Variants in WFDC13 observed in about 807,000 individuals in gnomAD.
WFDC13 encodes WAP four-disulfide core domain protein 13.
In WFDC13, 6 loss-of-function variants were observed where a neutral mutation model predicts 10.9. The ratio of observed to expected loss-of-function variants is 0.55; its 90% confidence interval spans 0.30 to 1.09. WFDC13 has a LOEUF of 1.09. WFDC13 is among the 50% of genes least tolerant of loss of function. The probability of loss-of-function intolerance (pLI) is 0.06; values close to 1 mark genes in which losing one functional copy is unlikely to be tolerated. For missense variants in WFDC13, 104 were observed against 109.6 expected (o/e 0.95, Z 0.23); for synonymous variants, 38 against 39.5 (o/e 0.96, Z 0.14).
At position 45,708,248 on chromosome 20, in the gene WFDC13, T is replaced by C. The variant is rs1333244000; in HGVS notation, c.*413T>C. On this transcript the variant is annotated 3_prime_UTR_variant, in exon 4 of 4. Coordinates refer to ENST00000305479, the MANE Select transcript of WFDC13 (RefSeq NM_172005.2). Reference sequence around the variant, plus strand: ...CCATATTTAACCTCAAGGAGAAATATCAACCAGACACTGCATGGCAACCTC... The same window carrying C: ...CCATATTTAACCTCAAGGAGAAATACCAACCAGACACTGCATGGCAACCTC... The C allele has an allele frequency of 6.6e-6, 1 of 152,218 alleles. No individual in the cohort carries two copies. Among genetic ancestry groups the C allele is most frequent in the Non-Finnish European group, 1.5e-5 (1 of 68,074 alleles). 9.4% of individuals were successfully genotyped at this position (152,218 alleles called of 1,614,324 possible).
In WFDC13 at chr20:45,702,510, A is replaced by G. The variant is rs77467633; in HGVS notation, c.88+299A>G. 1.9e-3 allele frequency among the ~76,000 whole-genome samples: 293 copies of G among 152,326 alleles called. 7 individuals are homozygous for G. In the East Asian group the frequency reaches 0.052, roughly 27 times the overall value. ...AATGCTCAGTAATATTAAATGCTGT[A>G]AATGTGATCAGCCTCATCATCCAGC... On this transcript the variant is annotated intron_variant, in intron 1 of 3. Transcript: ENST00000305479.
In WFDC13 at chr20:45,703,341, A is replaced by G. The variant is rs113804944; in HGVS notation, c.89-1103A>G. On this transcript the variant is annotated intron_variant, in intron 1 of 3. Coordinates refer to ENST00000305479, the MANE Select transcript of WFDC13 (RefSeq NM_172005.2). ...GTTATTGGTCTCTGTTAAATTGTCA[A>G]CAGCTTGAACCTCAGCTTCTTTTAC... Among the ~76,000 whole-genome samples the G allele has an allele frequency of 1.4e-4, 21 of 152,278 alleles. 1 individual carries two copies. The highest frequency in any genetic ancestry group is 5.1e-4 in the African/African-American group (21 of 41,568).
chr20:45,703,556 A>G (rs1182519511), intron 1 of WFDC13, among the ~76,000 whole-genome samples: 1 of 152,208 alleles, frequency 6.6e-6, no homozygotes, highest in Non-Finnish European at 1.5e-5. Flanking sequence ...GAAAGGGAGA[A>G]TCACAAGGTA....
intron 2 of WFDC13, 127 bp downstream of exon 2, chr20:45,704,721 A>C: frequency 7.0e-7 from 1 of 1,430,442 alleles, no homozygotes. Flanking sequence ...CCATGTTGCC[A>C]ACATGCCCCT....
At chr20:45,706,777 A>C (rs886680187) in intron 3 of WFDC13, among the ~76,000 whole-genome samples, 11 of 151,586 alleles carry the variant, frequency 7.3e-5, no homozygotes, top group Admixed American at 1.3e-4. Context: ...GTCTCAAAAA[A>C]AAAAAAAGAG....
Position 45,707,928 on chromosome 20 carries a change from T to G in WFDC13, c.*93T>G, listed in dbSNP as rs1485554188. ...GAAGCAAGAAACTGGAGGCCCAATA[T>G]CTAACCTGCAAATCGTTTTTGAGTT... On this transcript the variant is annotated 3_prime_UTR_variant, in exon 4 of 4. Coordinates refer to ENST00000305479, the MANE Select transcript of WFDC13 (RefSeq NM_172005.2). 6.6e-6 allele frequency: 1 copy of G among 152,172 alleles called. No individual in the cohort carries two copies. Among genetic ancestry groups the G allele is most frequent in the East Asian group, 1.9e-4 (1 of 5,198 alleles). 9.4% of individuals were successfully genotyped at this position (152,172 alleles called of 1,614,324 possible).
At chr20:45,705,368 T>A (rs1468264963) in intron 2 of WFDC13, among the ~76,000 whole-genome samples, 11 of 152,198 alleles carry the variant, frequency 7.2e-5, no homozygotes, top group Non-Finnish European at 1.5e-5. Context: ...ATGAGCAGAA[T>A]ACCCAGCATG....
At chr20:45,704,993 C>A (rs771641543) in intron 2 of WFDC13, 1 of 1,614,130 alleles carries the variant, frequency 6.2e-7, no homozygotes, top group South Asian at 1.1e-5. Context: ...AGACACCATC[C>A]TTTGGCCACC....
intron 1 of WFDC13, among the ~76,000 whole-genome samples, chr20:45,703,729 T>G (rs1392775067): frequency 6.6e-6 from 1 of 151,984 alleles, no homozygotes; most frequent in Non-Finnish European, 1.5e-5. Flanking sequence ...GGGGAGGAAA[T>G]AGGAAGTCAA....
chr20:45,705,663 T>C (rs1300902380), intron 2 of WFDC13, among the ~76,000 whole-genome samples, 200 bp from the exon 3 acceptor site: 1 of 152,266 alleles, frequency 6.6e-6, no homozygotes, highest in African/African-American at 2.4e-5. Flanking sequence ...TTCCACATCT[T>C]TCAATGCTCT....
rs1030438036 is a variant in WFDC13, at chr20:45,708,803, C to A, written c.*968C>A. 1 of 151,902 alleles carries A rather than the reference C, an allele frequency of 6.6e-6. No individual in the cohort carries two copies. Among genetic ancestry groups the A allele is most frequent in the Non-Finnish European group, 1.5e-5 (1 of 67,984 alleles). The allele number at this position is 151,902 out of a possible 1,614,324, so 9.4% of individuals were successfully genotyped here. On this transcript the variant is annotated 3_prime_UTR_variant, in exon 4 of 4. Coordinates refer to ENST00000305479, the MANE Select transcript of WFDC13 (RefSeq NM_172005.2). ...TTCTTTTTCATTTCAAATAAATATTCACTTACGTGTCTAATTTTGTATTAG... is the reference window on the plus strand; with the variant it reads ...TTCTTTTTCATTTCAAATAAATATTAACTTACGTGTCTAATTTTGTATTAG...
intron 1 of WFDC13, among the ~76,000 whole-genome samples, chr20:45,704,125 A>G (rs1984288302): frequency 6.6e-6 from 1 of 152,242 alleles, no homozygotes. Flanking sequence ...TGTTCACCAC[A>G]TACACCATTG....
intron 2 of WFDC13, chr20:45,704,798 C>T (rs1984323271): frequency 7.8e-7 from 1 of 1,287,982 alleles, no homozygotes; most frequent in Non-Finnish European, 1.1e-6. Flanking sequence ...TCCCAATCAC[C>T]ACATCCCATC....
At position 45,702,199 on chromosome 20, in the gene WFDC13, C is replaced by T; in HGVS notation, c.76C>T (p.Gln26Ter). The change falls in exon 1 of 4, where the codon CAG becomes TAG. Residue 26 changes from glutamine (Q) to a stop codon, truncating the protein, a stop_gained. Transcript: ENST00000305479. LOFTEE classifies it high-confidence loss of function. ...ALQLVPGSPK[Q>*]RVLKYILEPP... ...GCAGCTGGTGCCTGGGAGTCCCAAG[C>T]AGCGTGTTCTGAGTAGGTGCTGGAT... The T allele has an allele frequency of 6.2e-7, 1 of 1,612,460 alleles. No homozygotes were observed. The highest frequency in any genetic ancestry group is 8.5e-7 in the Non-Finnish European group (1 of 1,179,372).
intron 3 of WFDC13, among the ~76,000 whole-genome samples, chr20:45,707,575 C>T (rs1296959210): frequency 2.6e-5 from 4 of 152,120 alleles, no homozygotes; most frequent in Non-Finnish European, 4.4e-5. Flanking sequence ...AAATACAGAA[C>T]ACAGAAAGTT....
rs1002233434 is a variant in WFDC13 at position 45,704,563 on chromosome 20, T to C, written c.208T>C (p.Cys70Arg). Residue 70 changes from cysteine to arginine, a missense_variant, in exon 2 of 4, where the codon TGT becomes CGT. Transcript: ENST00000305479. The part of the protein sequence containing the change: ...QCCSSFCGIV[C>R]SSETFQKRNR... ...CTGTTCCTCCTTCTGTGGGATAGTC[T>C]GTTCATCAGAAACATTTCAAAAGCG... The C allele has an allele frequency of 6.2e-7, 1 of 1,614,070 alleles. No homozygotes were observed. Among genetic ancestry groups the C allele is most frequent in the African/African-American group, 1.3e-5 (1 of 74,920 alleles).
chr20:45,703,910 G>A (rs1231723163), intron 1 of WFDC13, among the ~76,000 whole-genome samples: 1 of 152,002 alleles, frequency 6.6e-6, no homozygotes, highest in East Asian at 1.9e-4. Context: ...TTGTGAATTG[G>A]GTCCCAGCTC....
rs768017503 is a variant in WFDC13, at chr20:45,708,027, C to T, written c.*192C>T. 24 of 152,134 alleles carry T rather than the reference C, an allele frequency of 1.6e-4. No individual in the cohort carries two copies. Among genetic ancestry groups the T allele is most frequent in the Admixed American group, 5.9e-4 (9 of 15,266 alleles). 9.4% of individuals were successfully genotyped at this position (152,134 alleles called of 1,614,324 possible). A position where few individuals can be genotyped will look rare whatever the true frequency, so the allele number is the denominator to read the frequency against. ...GGTCAACACTTGCAAGAGCCCCTTC[C>T]AAAGCTCAGCACAGTTTCCTCCTGG... On this transcript the variant is annotated 3_prime_UTR_variant, in exon 4 of 4. Coordinates refer to ENST00000305479, the MANE Select transcript of WFDC13 (RefSeq NM_172005.2).
chr20:45,707,879 G>A lies in WFDC13; in HGVS notation c.*44G>A, dbSNP rs903157826. On this transcript the variant is annotated 3_prime_UTR_variant, in exon 4 of 4. Coordinates refer to ENST00000305479, the MANE Select transcript of WFDC13 (RefSeq NM_172005.2). ...ACAGGCCTCTACGATGTTTTTTCTTGGTCCACCTTTAGGAAGGTATTGAGA... is the reference window on the plus strand; with the variant it reads ...ACAGGCCTCTACGATGTTTTTTCTTAGTCCACCTTTAGGAAGGTATTGAGA... The A allele has an allele frequency of 5.9e-5, 9 of 152,070 alleles. No homozygotes were observed. The highest frequency in any genetic ancestry group is 1.9e-4 in the African/African-American group (8 of 41,412). 9.4% of individuals were successfully genotyped at this position (152,070 alleles called of 1,614,324 possible). A position where few individuals can be genotyped will look rare whatever the true frequency, so the allele number is the denominator to read the frequency against.
Sources: allele counts gnomAD v4.1 joint callset (sites outside exome capture counted in the v4.1 genomes callset), GRCh38; gene constraint gnomAD v4.1.1; transcripts MANE v1.5; gene names NCBI Gene and HGNC (gene_info 2026-07-23, HGNC 2026-07-21).